Variants in MSI2 observed in about 807,000 individuals in gnomAD.
The protein encoded by MSI2 is RNA-binding protein Musashi homolog 2.
MSI2 carries 17 observed loss-of-function variants against 45.6 expected under a neutral mutation model. The ratio of observed to expected loss-of-function variants is 0.37; its 90% CI spans 0.26 to 0.56. The LOEUF (loss-of-function observed/expected upper bound fraction) is 0.56. Ranked by LOEUF, MSI2 falls within the 20% of genes least tolerant of loss-of-function variation. The pLI, the probability that MSI2 is intolerant of heterozygous loss-of-function variation, is 0.77. For missense variants in MSI2, 293 were observed against 444.2 expected (o/e 0.66, Z 3.06); for synonymous variants, 156 against 158.2 (o/e 0.99, Z 0.11).
chr17:57,660,870 G>A (rs973157855), intron 11 of MSI2, among the ~76,000 whole-genome samples: 1 of 152,164 alleles, frequency 6.6e-6, no homozygotes, highest in Non-Finnish European at 1.5e-5. Flanking sequence ...ATCAGAGCAG[G>A]GGACCCTTGG....
chr17:57,262,959 CT>C (rs1405844099), intron 5 of MSI2, among the ~76,000 whole-genome samples: 6 of 152,156 alleles, frequency 3.9e-5, no homozygotes, highest in African/African-American at 1.4e-4. Flanking sequence ...TACATTTACA[CT>C]TTTTAGTTAC....
chr17:57,309,482 C>T (rs1912188426), intron 5 of MSI2, among the ~76,000 whole-genome samples: 1 of 152,126 alleles, frequency 6.6e-6, no homozygotes, highest in Non-Finnish European at 1.5e-5. Flanking sequence ...TATATCCCTA[C>T]CATGGGGAAA....
chr17:57,558,551 A>G (rs1245587642), intron 7 of MSI2, among the ~76,000 whole-genome samples: 2 of 152,056 alleles, frequency 1.3e-5, no homozygotes, highest in Non-Finnish European at 2.9e-5. Flanking sequence ...GTTTTTGGAG[A>G]CACATCCCTC....
chr17:57,335,892 A>G (rs1184518030), intron 5 of MSI2, among the ~76,000 whole-genome samples: 1 of 152,172 alleles, frequency 6.6e-6, no homozygotes, highest in African/African-American at 2.4e-5. Flanking sequence ...ATTTGGGGCT[A>G]GTGGAAGGAG....
intron 5 of MSI2, among the ~76,000 whole-genome samples, chr17:57,306,447 C>T (rs561649042): frequency 3.9e-5 from 6 of 152,308 alleles, no homozygotes; most frequent in Admixed American, 2.0e-4. Flanking sequence ...TGTTGGCTTC[C>T]TTTGTAGACA....
At position 57,683,163 on chromosome 17, in the gene MSI2, C is replaced by A; in HGVS notation, c.*3646C>A. ...ACTTTAAGGTAGCATGGCTCTATTG[C>A]TGTCAATTTACTGTTTCACTGCACA... On this transcript the variant is annotated 3_prime_UTR_variant, in exon 14 of 14. Coordinates refer to ENST00000284073, the MANE Select transcript of MSI2 (RefSeq NM_138962.4). The surrounding 1 kb of genome is among the most constrained non-coding windows in gnomAD (Gnocchi z 5.2). 1 of 229,400 alleles carries A rather than the reference C, an allele frequency of 4.4e-6. No individual in the cohort carries two copies. The highest frequency in any genetic ancestry group is 8.6e-6 in the Non-Finnish European group (1 of 115,636). 14.2% of individuals were successfully genotyped at this position (229,400 alleles called of 1,614,324 possible). A position where few individuals can be genotyped will look rare whatever the true frequency, so the allele number is the denominator to read the frequency against.
intron 7 of MSI2, among the ~76,000 whole-genome samples, chr17:57,550,692 G>A (rs138263631): frequency 1.3e-5 from 2 of 152,194 alleles, no homozygotes; most frequent in East Asian, 3.9e-4. Flanking sequence ...GTTTGAAGCC[G>A]GGCTGGAAAA....
At chr17:57,268,734 G>T (rs1328615733) in intron 5 of MSI2, among the ~76,000 whole-genome samples, 2 of 152,144 alleles carry the variant, frequency 1.3e-5, no homozygotes, top group Non-Finnish European at 2.9e-5. Context: ...TACTCGGGAG[G>T]CTGAGGCAGA....
At chr17:57,442,190 C>G (rs2084812930) in intron 6 of MSI2, among the ~76,000 whole-genome samples, 1 of 152,138 alleles carries the variant, frequency 6.6e-6, no homozygotes, top group Non-Finnish European at 1.5e-5. Flanking sequence ...GCGCGTGCCA[C>G]CACGCCCGGC....
rs3210438 is a variant in MSI2, at chr17:57,680,185, C to G, written c.*668C>G. On this transcript the variant is annotated 3_prime_UTR_variant, in exon 14 of 14. Coordinates refer to ENST00000284073, the MANE Select transcript of MSI2 (RefSeq NM_138962.4). ...CTAATTAACAGACTTTCTAGCAGTT[C>G]TTTTTGTGATGTCTCTTTGTTAATC... The G allele has an allele frequency of 4.4e-6, 1 of 228,922 alleles. No homozygotes were observed. Among genetic ancestry groups the G allele is most frequent in the Non-Finnish European group, 8.7e-6 (1 of 115,456 alleles). 14.2% of individuals were successfully genotyped at this position (228,922 alleles called of 1,614,324 possible).
chr17:57,652,518 A>G lies in MSI2; in HGVS notation c.790+357A>G, dbSNP rs1438034958. Among the ~76,000 whole-genome samples the G allele has an allele frequency of 1.3e-5, 2 of 152,074 alleles. No homozygotes were observed. Among genetic ancestry groups the G allele is most frequent in the African/African-American group, 4.8e-5 (2 of 41,396 alleles). ...CCTCCTTGGCTTTTGCTAATTCAAC[A>G]GGCTCCCTTCCTTGGGTCCCTGAGC... On this transcript the variant is annotated intron_variant, in intron 11 of 13. Transcript: ENST00000284073. The surrounding 1 kb of genome is among the most constrained non-coding windows in gnomAD (Gnocchi z 4.1).
chr17:57,333,719 A>G (rs1914461968), intron 5 of MSI2, among the ~76,000 whole-genome samples: 1 of 151,946 alleles, frequency 6.6e-6, no homozygotes, highest in Non-Finnish European at 1.5e-5. Context: ...TGGGATTTAT[A>G]GGCATGAGCC....
intron 6 of MSI2, among the ~76,000 whole-genome samples, chr17:57,511,829 G>A (rs1261280442): frequency 2.6e-5 from 4 of 152,130 alleles, no homozygotes; most frequent in Non-Finnish European, 4.4e-5. Context: ...TCACCTTCAG[G>A]GTGGAGGCCC....
intron 8 of MSI2, chr17:57,601,192 G>A (rs1905830907): frequency 6.6e-6 from 1 of 152,250 alleles, no homozygotes; most frequent in Non-Finnish European, 1.5e-5. Context: ...CCCAGCTAGG[G>A]AGAAGGACCA....
At chr17:57,369,229 A>G (rs894911344) in intron 5 of MSI2, among the ~76,000 whole-genome samples, 1 of 152,170 alleles carries the variant, frequency 6.6e-6, no homozygotes, top group Non-Finnish European at 1.5e-5. Context: ...GGGTTATGCC[A>G]CCCTGTCAGC....
chr17:57,475,437 A>AT (rs2085519122), intron 6 of MSI2, among the ~76,000 whole-genome samples: 1 of 152,156 alleles, frequency 6.6e-6, no homozygotes, highest in Non-Finnish European at 1.5e-5. Context: ...GTCATTCCTC[A>AT]TCAGGACCTG....
chr17:57,526,356 G>GGTGTGTGTGTGT lies in MSI2; in HGVS notation c.406-3278_406-3267dup, dbSNP rs71143203. Among the ~76,000 whole-genome samples the GGTGTGTGTGTGT allele has an allele frequency of 9.5e-3, 1,168 of 122,352 alleles. 17 individuals are homozygous for GGTGTGTGTGTGT. Among genetic ancestry groups the GGTGTGTGTGTGT allele is most frequent in the African/African-American group, 0.013 (401 of 31,210 alleles). 80.3% of individuals were successfully genotyped at this position (122,352 alleles called of 152,430 possible). A position where few individuals can be genotyped will look rare whatever the true frequency, so the allele number is the denominator to read the frequency against. On this transcript the variant is annotated intron_variant, in intron 6 of 13. Transcript: ENST00000284073. Reference sequence around the variant, plus strand: ...TCTTCATAGCCCCCTGATATACCTGGGTGTGTGTGTGTGTGTGTGTGTGTG... The same window carrying GGTGTGTGTGTGT: ...TCTTCATAGCCCCCTGATATACCTGGGTGTGTGTGTGTGTGTGTGTGTGTGTGTGTGTGTGTG...
intron 5 of MSI2, among the ~76,000 whole-genome samples, chr17:57,377,517 C>T (rs1275670559): frequency 6.6e-6 from 1 of 152,192 alleles, no homozygotes; most frequent in Non-Finnish European, 1.5e-5. Flanking sequence ...GGGAGGCCTC[C>T]TGTGCTTAGA....
intron 5 of MSI2, among the ~76,000 whole-genome samples, chr17:57,337,901 G>A (rs530394505): frequency 6.6e-6 from 1 of 152,160 alleles, no homozygotes; most frequent in East Asian, 1.9e-4. Context: ...TTAGAATCAC[G>A]CTGTGTTGTG....
Sources: gnomAD v4.1 joint callset for allele counts (sites outside exome capture counted in the v4.1 genomes callset) on GRCh38, gnomAD v4.1.1 for gene constraint, Gnocchi (gnomAD v3.1) non-coding constraint, MANE v1.5 for transcripts, NCBI Gene and HGNC (gene_info 2026-07-23, HGNC 2026-07-21) for gene names.